WDFY4: variants seen among roughly 807,000 people sequenced by gnomAD.
WDFY4 encodes the protein WDFY family member 4.
Under a neutral mutation model 351.9 loss-of-function variants are expected in WDFY4, and 169 were observed. That is an observed-to-expected ratio of 0.48 (90% confidence interval 0.42 to 0.55). The LOEUF is 0.55. WDFY4 is among the 20% of genes least tolerant of loss of function. The probability of loss-of-function intolerance (pLI) is 0.00; values close to 1 mark genes in which losing one functional copy is unlikely to be tolerated. For synonymous variants in WDFY4, 1,622 were observed against 1,574.6 expected (o/e 1.03, Z -0.71); for missense variants, 3,803 against 3,935.6 (o/e 0.97, Z 0.90).
At chr10:48,939,994 A>T (rs1840669115) in intron 47 of WDFY4, among the ~76,000 whole-genome samples, 1 of 152,228 alleles carries the variant, frequency 6.6e-6, no homozygotes, top group African/African-American at 2.4e-5. Context: ...AGGCACATTT[A>T]GCTCCACTTC....
At position 48,873,576 on chromosome 10, in the gene WDFY4, A is replaced by AG; in HGVS notation, c.6832dup (p.Glu2278GlyfsTer46). ...TTTGGGGAGCTGGGCTTGTGGAGCCAGGGGGAAGAAACCAAGCCCTGTTCC... is the reference window on the plus strand; with the variant it reads ...TTTGGGGAGCTGGGCTTGTGGAGCCAGGGGGGAAGAAACCAAGCCCTGTTCC... On this transcript the variant is annotated frameshift_variant, in exon 41 of 62. Coordinates refer to ENST00000325239, the MANE Select transcript of WDFY4 (RefSeq NM_001394531.1). LOFTEE classifies it high-confidence loss of function. 1 of 1,551,764 alleles carries AG rather than the reference A, an allele frequency of 6.4e-7. No homozygotes were observed. Among genetic ancestry groups the AG allele is most frequent in the Non-Finnish European group, 8.7e-7 (1 of 1,147,002 alleles).
chr10:48,832,577 T>G lies in WDFY4; in HGVS notation c.6531T>G (p.Ser2177=), dbSNP rs1190852854. Residue 2177 remains serine, a synonymous_variant, in exon 39 of 62, where the codon TCT becomes TCG. Coordinates refer to ENST00000325239, the MANE Select transcript of WDFY4 (RefSeq NM_001394531.1). The stretch of plus-strand genomic sequence containing the variant: ...TCTTTGCTTCCCTTCCCTCAGCATC[T>G]GAGAAGAAGTCACTGGCAAGTCGTT... ...MLKAWQHYLA[S]EKKSLASRSN... The G allele has an allele frequency of 6.5e-6, 10 of 1,544,324 alleles. No individual in the cohort carries two copies. The Middle Eastern group carries it at 5.0e-4, about 77-fold the overall frequency.
intron 1 of WDFY4, among the ~76,000 whole-genome samples, chr10:48,705,958 A>G (rs2063615780): frequency 2.0e-5 from 3 of 152,218 alleles, no homozygotes; most frequent in Admixed American, 6.5e-5. Flanking sequence ...TGGCCACAGA[A>G]TGAACTTTAT....
chr10:48,794,331 G>A (rs771752220), intron 23 of WDFY4, among the ~76,000 whole-genome samples: 2 of 152,150 alleles, frequency 1.3e-5, no homozygotes, highest in Admixed American at 6.5e-5. Context: ...AGCCTGGGCA[G>A]GTGGCGCTGG....
chr10:48,931,954 C>T (rs752907308), intron 47 of WDFY4, among the ~76,000 whole-genome samples: 15 of 152,314 alleles, frequency 9.8e-5, no homozygotes, highest in South Asian at 2.1e-4. Context: ...TTAGTCATGC[C>T]GGCTGTCCCT....
chr10:48,939,131 C>T (rs1840600028), intron 47 of WDFY4, among the ~76,000 whole-genome samples: 1 of 152,172 alleles, frequency 6.6e-6, no homozygotes, highest in Non-Finnish European at 1.5e-5. Context: ...TCCCAGGTTG[C>T]ACAATTCTAA....
chr10:48,942,119 T>G (rs1840800641), intron 48 of WDFY4, among the ~76,000 whole-genome samples: 1 of 152,066 alleles, frequency 6.6e-6, no homozygotes, highest in African/African-American at 2.4e-5. Flanking sequence ...CACCTACCAC[T>G]AGGCCAAGCG....
In WDFY4 at chr10:48,774,652, C is replaced by T; in HGVS notation, c.2748C>T (p.Ala916=). The T allele has an allele frequency of 6.4e-7, 1 of 1,551,742 alleles. No homozygotes were observed. The highest frequency in any genetic ancestry group is 8.7e-7 in the Non-Finnish European group (1 of 1,147,000). ...IRIFEKLASQ[A]IEPDVLRQFL... ...TCTTTGAGAAGCTCGCTTCCCAGGCCATTGAACCGGATGTGCTAAGGTACC... is the reference window on the plus strand; with the variant it reads ...TCTTTGAGAAGCTCGCTTCCCAGGCTATTGAACCGGATGTGCTAAGGTACC... The change falls in exon 14 of 62, where the codon GCC becomes GCT. Residue 916 remains alanine (A), a synonymous_variant. Coordinates refer to ENST00000325239, the MANE Select transcript of WDFY4 (RefSeq NM_001394531.1).
intron 19 of WDFY4, among the ~76,000 whole-genome samples, chr10:48,781,564 G>A (rs2066227053): frequency 1.3e-5 from 2 of 152,130 alleles, no homozygotes; most frequent in African/African-American, 4.8e-5. Flanking sequence ...CCAAAGTGCT[G>A]GGATAACAGG....
chr10:48,854,413 G>T (rs1431077258), intron 39 of WDFY4, among the ~76,000 whole-genome samples: 1 of 151,920 alleles, frequency 6.6e-6, no homozygotes, highest in Non-Finnish European at 1.5e-5. Flanking sequence ...CCAGCCCTAA[G>T]TCTTTTTTTT....
At chr10:48,727,833 G>T (rs12416600) in intron 7 of WDFY4, among the ~76,000 whole-genome samples, 174 bp downstream of exon 7, 12,517 of 152,220 alleles carry the variant, frequency 0.082, 645 homozygotes, top group East Asian at 0.24. Flanking sequence ...CACTTCCTTA[G>T]AGAATCAGTA....
At position 48,789,921 on chromosome 10, in the gene WDFY4, G is replaced by C. The variant is rs1007209220; in HGVS notation, c.4002G>C (p.Arg1334Ser). ...RDNAMPVFLL[R>S]NCAGHLSGSL... ...ATGCCATGCCCGTGTTCTTGCTGAG[G>C]AATTGTGCTGGCCACCTGTCAGGGT... The change falls in exon 22 of 62, where the codon AGG (arginine) becomes AGC (serine). Residue 1334 changes from arginine (R) to serine (S), a missense_variant. Transcript: ENST00000325239. 2.1e-5 allele frequency: 33 copies of C among 1,552,298 alleles called. No homozygotes were observed. Among genetic ancestry groups the C allele is most frequent in the African/African-American group, 2.7e-5 (2 of 73,058 alleles).
intron 52 of WDFY4, 60 bp from the exon 53 acceptor site, chr10:48,959,662 C>G: frequency 1.4e-6 from 2 of 1,441,594 alleles, no homozygotes; most frequent in Non-Finnish European, 1.9e-6. Flanking sequence ...TATTTTACAT[C>G]CCCCAGTTCC....
chr10:48,900,160 A>T, intron 45 of WDFY4, 61 bp from the exon 46 acceptor site: 6 of 1,454,748 alleles, frequency 4.1e-6, no homozygotes, highest in Non-Finnish European at 5.6e-6. Flanking sequence ...CAGCTGTGTC[A>T]CCCTGGGGCG....
chr10:48,877,252 TTGTC>T (rs2070056030), intron 43 of WDFY4, 53 bp downstream of exon 43: 1 of 1,506,852 alleles, frequency 6.6e-7, no homozygotes, highest in African/African-American at 1.4e-5. Flanking sequence ...GTTGTTAAGA[TTGTC>T]AGACAGGAGA....
chr10:48,907,319 A>C (rs899868677), intron 47 of WDFY4, among the ~76,000 whole-genome samples: 1 of 152,196 alleles, frequency 6.6e-6, no homozygotes, highest in Non-Finnish European at 1.5e-5. Context: ...GGAAACATCC[A>C]CCATGTCATT....
chr10:48,963,079 C>T (rs779901502), intron 53 of WDFY4, among the ~76,000 whole-genome samples: 12 of 152,172 alleles, frequency 7.9e-5, no homozygotes, highest in Non-Finnish European at 1.3e-4. Context: ...CTGTGAGGTT[C>T]TGAGGAATGA....
rs956330809 is a variant in WDFY4, at chr10:48,724,999, G to A, written c.592-882G>A. On this transcript the variant is annotated intron_variant, in intron 5 of 61. Transcript: ENST00000325239. ...TCTGAGGGCATGGCATTTAACCAGAGAGCTGAGGGTTGTCAGGGTCTGAGG... is the reference window on the plus strand; with the variant it reads ...TCTGAGGGCATGGCATTTAACCAGAAAGCTGAGGGTTGTCAGGGTCTGAGG... 2.0e-5 allele frequency among the ~76,000 whole-genome samples: 3 copies of A among 152,316 alleles called. No individual in the cohort carries two copies. In the South Asian group the frequency reaches 6.2e-4, roughly 32 times the overall value.
intron 54 of WDFY4, 141 bp from the exon 55 acceptor site, chr10:48,966,385 G>T (rs896337405): frequency 1.1e-5 from 10 of 879,252 alleles, no homozygotes; most frequent in African/African-American, 1.7e-5. Flanking sequence ...TGGACCAGAG[G>T]TTCTGTTCAT....
Sources: gnomAD v4.1 joint callset for allele counts (sites outside exome capture counted in the v4.1 genomes callset) on GRCh38, gnomAD v4.1.1 for gene constraint, MANE v1.5 for transcripts, NCBI Gene and HGNC (gene_info 2026-07-23, HGNC 2026-07-21) for gene names.